STIMATE: variants seen among roughly 807,000 people sequenced by gnomAD.
The protein encoded by STIMATE is store-operated calcium entry regulator STIMATE.
STIMATE carries 15 observed loss-of-function variants against 36.7 expected under a neutral mutation model. That is an observed-to-expected ratio of 0.41 (90% CI 0.27 to 0.63). The LOEUF (loss-of-function observed/expected upper bound fraction) is 0.63, where lower values mean the gene tolerates loss of function less well. STIMATE is among the 20% of genes least tolerant of loss of function. The pLI is 0.32. For synonymous variants in STIMATE, 163 were observed against 162.3 expected (o/e 1.00, Z -0.03); for missense variants, 305 against 397.3 (o/e 0.77, Z 1.98).
rs377661473 is a variant in STIMATE, at chr3:52,853,163, G to A, written c.210-465C>T. On this transcript the variant is annotated intron_variant, in intron 2 of 7. Transcript: ENST00000355083. ...AGATCAGGGTAGGCAAATTTTTTCT[G>A]TAAAGGACCAAAGAATAAATATTTG... 6.3e-4 allele frequency among the ~76,000 whole-genome samples: 96 copies of A among 152,226 alleles called. 2 individuals carry two copies. The South Asian group carries it at 0.02, about 31-fold the overall frequency.
chr3:52,886,014 G>T (rs1439580809), intron 1 of STIMATE, among the ~76,000 whole-genome samples: 1 of 152,174 alleles, frequency 6.6e-6, no homozygotes, highest in Non-Finnish European at 1.5e-5. Flanking sequence ...CTTTAGCACA[G>T]GCTCAAATGT....
intron 1 of STIMATE, among the ~76,000 whole-genome samples, chr3:52,889,145 G>A (rs144922195): frequency 1.3e-3 from 202 of 152,310 alleles, no homozygotes; most frequent in Non-Finnish European, 1.7e-3. Flanking sequence ...GTAAGTCAGC[G>A]GAGAAGGCTT....
At chr3:52,849,359 A>G (rs562331383) in intron 4 of STIMATE, among the ~76,000 whole-genome samples, 2 of 152,336 alleles carry the variant, frequency 1.3e-5, no homozygotes, top group East Asian at 3.9e-4. Flanking sequence ...CAGCAGAAAG[A>G]GGGGCAGGGC....
chr3:52,866,692 C>T lies in STIMATE; in HGVS notation c.161-11248G>A, dbSNP rs74865833. 2.6e-3 allele frequency among the ~76,000 whole-genome samples: 396 copies of T among 152,362 alleles called. 1 individual carries two copies. Among genetic ancestry groups the T allele is most frequent in the Middle Eastern group, 6.8e-3 (2 of 294 alleles). ...TGGAGGGCGGGGACCAGGCACCCAG[C>T]TCGACTGTCCTCCTCAGAGCCCGAT... On this transcript the variant is annotated intron_variant, in intron 1 of 7. Coordinates refer to ENST00000355083, the MANE Select transcript of STIMATE (RefSeq NM_198563.5).
At chr3:52,845,046 G>A in intron 4 of STIMATE, 105 bp from the exon 5 acceptor site, 1 of 1,156,838 alleles carries the variant, frequency 8.6e-7, no homozygotes, top group Non-Finnish European at 1.2e-6. Context: ...TGGCTCTAAA[G>A]CTCTAAAGGT....
chr3:52,867,376 C>T (rs753925241), intron 1 of STIMATE, among the ~76,000 whole-genome samples: 9 of 152,232 alleles, frequency 5.9e-5, no homozygotes, highest in Non-Finnish European at 1.0e-4. Flanking sequence ...GACACAAAAC[C>T]GCTGGTCCTT....
chr3:52,879,644 T>G (rs1275116108), intron 1 of STIMATE, among the ~76,000 whole-genome samples: 1 of 152,194 alleles, frequency 6.6e-6, no homozygotes, highest in African/African-American at 2.4e-5. Flanking sequence ...CAACTCCCAA[T>G]GCTCACTTTG....
intron 1 of STIMATE, among the ~76,000 whole-genome samples, chr3:52,891,020 G>A (rs567903232): frequency 1.1e-4 from 16 of 152,252 alleles, no homozygotes; most frequent in Non-Finnish European, 5.9e-5. Context: ...AATGATTGAT[G>A]AGTCATTTCA....
chr3:52,883,691 A>G (rs780216428), intron 1 of STIMATE, among the ~76,000 whole-genome samples: 5 of 152,112 alleles, frequency 3.3e-5, no homozygotes, highest in Non-Finnish European at 7.4e-5. Context: ...GTTTTCACGT[A>G]TGCTATTCTT....
intron 1 of STIMATE, among the ~76,000 whole-genome samples, chr3:52,885,707 C>A (rs1701679167): frequency 6.6e-6 from 1 of 152,212 alleles, no homozygotes; most frequent in Non-Finnish European, 1.5e-5. Context: ...CTGTCCCCTG[C>A]AAATTCCAAC....
intron 1 of STIMATE, among the ~76,000 whole-genome samples, chr3:52,890,989 G>A (rs1276293026): frequency 2.0e-5 from 3 of 152,178 alleles, no homozygotes; most frequent in South Asian, 2.1e-4. Context: ...CAGACCTAGC[G>A]TGTGACTCAT....
rs1189121078 is a variant in STIMATE, at chr3:52,839,701, T to A, written c.*793A>T. 6.6e-6 allele frequency: 1 copy of A among 152,190 alleles called. No homozygotes were observed. The highest frequency in any genetic ancestry group is 1.5e-5 in the Non-Finnish European group (1 of 68,032). 9.4% of individuals were successfully genotyped at this position (152,190 alleles called of 1,614,324 possible). On this transcript the variant is annotated 3_prime_UTR_variant, in exon 8 of 8. Transcript: ENST00000355083. ...GGCCATCCTCCTTCCCTCCCCATCATTTGTCTCATCTTATCATAGGGCATC... is the reference window on the plus strand; with the variant it reads ...GGCCATCCTCCTTCCCTCCCCATCAATTGTCTCATCTTATCATAGGGCATC...
rs765648788 is a variant in STIMATE at position 52,849,910 on chromosome 3, G to A, written c.309C>T (p.Tyr103=). Reference sequence around the variant, plus strand: ...TGGCGTCCAGGAGGAAGTTGATGAGGTACCTGTGAGGACAGGGCACATGCA... The same window carrying A: ...TGGCGTCCAGGAGGAAGTTGATGAGATACCTGTGAGGACAGGGCACATGCA... ...DLTEEDPCSL[Y]LINFLLDATV... is the part of the protein sequence containing the mutation. The change falls in exon 4 of 8, where the codon TAC becomes TAT. Residue 103 remains tyrosine, a synonymous_variant. Coordinates refer to ENST00000355083, the MANE Select transcript of STIMATE (RefSeq NM_198563.5). 2 of 1,613,324 alleles carry A rather than the reference G, an allele frequency of 1.2e-6. No homozygotes were observed. Among genetic ancestry groups the A allele is most frequent in the East Asian group, 4.5e-5 (2 of 44,878 alleles).
intron 1 of STIMATE, among the ~76,000 whole-genome samples, chr3:52,862,856 TGAGAGATGGAG>T (rs758804358): frequency 1.3e-5 from 2 of 152,070 alleles, no homozygotes; most frequent in African/African-American, 2.4e-5. Context: ...AGTATCCTTA[TGAGAGATGGAG>T]GAGAGATGGA....
intron 1 of STIMATE, among the ~76,000 whole-genome samples, chr3:52,870,664 T>G (rs1701386855): frequency 6.6e-6 from 1 of 152,076 alleles, no homozygotes; most frequent in Non-Finnish European, 1.5e-5. Flanking sequence ...GGTGGCCCCA[T>G]GGGAGGCAGA....
intron 7 of STIMATE, 43 bp from the exon 8 acceptor site, chr3:52,840,653 G>A (rs1433186782): frequency 1.3e-6 from 2 of 1,579,226 alleles, no homozygotes; most frequent in Non-Finnish European, 8.6e-7. Context: ...CCCCAGCAGG[G>A]CCTTCTTCAT....
intron 6 of STIMATE, 76 bp downstream of exon 6, chr3:52,843,645 G>A (rs1700846391): frequency 5.6e-6 from 9 of 1,609,124 alleles, no homozygotes; most frequent in Non-Finnish European, 6.8e-6. Context: ...TGAGCTTTCT[G>A]TCAGACTCAG....
In STIMATE at chr3:52,859,686, G is replaced by A. The variant is rs1362705928; in HGVS notation, c.161-4242C>T. ...GTGAAACCCTGATTCAAAAAAAAAA[G>A]AGAGAAAAAAAGAAAAAAATCCAAG... On this transcript the variant is annotated intron_variant, in intron 1 of 7. Coordinates refer to ENST00000355083, the MANE Select transcript of STIMATE (RefSeq NM_198563.5). Among the ~76,000 whole-genome samples the A allele has an allele frequency of 8.0e-5, 12 of 150,096 alleles. 1 individual carries two copies. The highest frequency in any genetic ancestry group is 1.6e-4 in the Non-Finnish European group (11 of 67,544).
intron 4 of STIMATE, among the ~76,000 whole-genome samples, chr3:52,848,961 A>G (rs1700953218): frequency 6.6e-6 from 1 of 152,232 alleles, no homozygotes; most frequent in African/African-American, 2.4e-5. Context: ...CAAGGTACTC[A>G]TAGCCAGCTC....
Sources: allele counts gnomAD v4.1 joint callset (sites outside exome capture counted in the v4.1 genomes callset), GRCh38; gene constraint gnomAD v4.1.1; transcripts MANE v1.5; gene names NCBI Gene and HGNC (gene_info 2026-07-23, HGNC 2026-07-21).